Variants in FRMD4B observed in about 807,000 individuals in gnomAD.
FRMD4B encodes the protein FERM domain-containing protein 4B.
A neutral mutation model predicts 141.5 loss-of-function variants in FRMD4B; 74 were observed. That is an observed-to-expected ratio of 0.52 (90% CI 0.43 to 0.63). The LOEUF is 0.63. Among genes scored for constraint, FRMD4B ranks in the 30% least tolerant of loss-of-function variants. The pLI, the probability that FRMD4B is intolerant of heterozygous loss-of-function variation, is 0.00. For missense variants in FRMD4B, 1,366 were observed against 1,253.4 expected (o/e 1.09, Z -1.36); for synonymous variants, 506 against 467.9 (o/e 1.08, Z -1.05).
chr3:69,365,615 C>T (rs907413589), intron 1 of FRMD4B, among the ~76,000 whole-genome samples: 1 of 151,854 alleles, frequency 6.6e-6, no homozygotes, highest in Non-Finnish European at 1.5e-5. Context: ...AATTCTCCTG[C>T]CTTAGCCTCT....
At position 69,413,144 on chromosome 3, in the gene FRMD4B, C is replaced by T. The variant is rs575954112; in HGVS notation, c.-1+19490G>A. The stretch of plus-strand genomic sequence containing the variant: ...CATAAGAGTCAGGTTTGTTGAACGA[C>T]GGGATTAAAGATGCTCAACTAGACT... On this transcript the variant is annotated intron_variant, in intron 2 of 5. Transcript: ENST00000459638. Among the ~76,000 whole-genome samples, 5 of 152,076 alleles carry T rather than the reference C, an allele frequency of 3.3e-5. No homozygotes were observed. In the East Asian group the frequency reaches 5.8e-4, roughly 18 times the overall value.
At chr3:69,250,284 T>TGTGTGA in intron 5 of FRMD4B, 185 bp from the exon 6 acceptor site, 17 of 484,182 alleles carry the variant, frequency 3.5e-5, no homozygotes, top group Non-Finnish European at 5.4e-5. Context: ...GAAACCACTG[T>TGTGTGA]GTGTGCGTGT....
intron 1 of FRMD4B, among the ~76,000 whole-genome samples, chr3:69,446,216 C>G (rs979989138): frequency 2.0e-5 from 3 of 151,372 alleles, no homozygotes; most frequent in Admixed American, 2.0e-4. Context: ...TTCGTAGAGA[C>G]GAGGTTTCCT....
chr3:69,216,153 C>CA (rs77475566), intron 11 of FRMD4B, 110 bp downstream of exon 11: 481,884 of 560,120 alleles, frequency 0.86, 209,048 homozygotes, highest in East Asian at 0.97. Flanking sequence ...GACTCCATCT[C>CA]AAAAAAAACC....
intron 22 of FRMD4B, among the ~76,000 whole-genome samples, chr3:69,172,941 T>TA (rs2092604200): frequency 6.6e-6 from 1 of 152,058 alleles, no homozygotes; most frequent in African/African-American, 2.4e-5. Context: ...TCATGTAACA[T>TA]AAAAAACAAA....
intron 5 of FRMD4B, among the ~76,000 whole-genome samples, chr3:69,273,738 T>C (rs1285961243): frequency 6.6e-6 from 1 of 152,190 alleles, no homozygotes; most frequent in Non-Finnish European, 1.5e-5. Context: ...TGCCAGGTTC[T>C]GTGCCAGTGT....
At chr3:69,308,655 G>A (rs868132332) in intron 3 of FRMD4B, among the ~76,000 whole-genome samples, 12 of 152,084 alleles carry the variant, frequency 7.9e-5, no homozygotes, top group Non-Finnish European at 4.4e-5. Context: ...GCCCAGGCTG[G>A]TCTGGAATTC....
chr3:69,230,913 C>A (rs1311154359), intron 7 of FRMD4B, among the ~76,000 whole-genome samples: 1 of 152,170 alleles, frequency 6.6e-6, no homozygotes, highest in Non-Finnish European at 1.5e-5. Flanking sequence ...ACATATTGAG[C>A]AAAGATACAA....
intron 2 of FRMD4B, among the ~76,000 whole-genome samples, chr3:69,395,642 T>A (rs1175892956): frequency 6.6e-6 from 1 of 152,126 alleles, no homozygotes; most frequent in Non-Finnish European, 1.5e-5. Context: ...AAAAGGGACA[T>A]GAAAGTATAT....
At chr3:69,201,601 T>C (rs1310113311) in intron 11 of FRMD4B, among the ~76,000 whole-genome samples, 1 of 152,234 alleles carries the variant, frequency 6.6e-6, no homozygotes, top group African/African-American at 2.4e-5. Context: ...TATTTCTAAT[T>C]GTAGTGGTAC....
intron 19 of FRMD4B, among the ~76,000 whole-genome samples, chr3:69,183,151 G>A (rs914647501): frequency 7.2e-5 from 11 of 152,130 alleles, no homozygotes; most frequent in African/African-American, 1.9e-4. Flanking sequence ...TCTCTAGAGC[G>A]ACTACTCAGC....
At chr3:69,329,307 A>G (rs28470576) in intron 1 of FRMD4B, among the ~76,000 whole-genome samples, 3,482 of 152,228 alleles carry the variant, frequency 0.023, 120 homozygotes, top group African/African-American at 0.079. Context: ...AACTTGGCGA[A>G]CAGAGGCCAA....
At chr3:69,426,604 G>T (rs980176571) in intron 2 of FRMD4B, among the ~76,000 whole-genome samples, 3 of 152,142 alleles carry the variant, frequency 2.0e-5, no homozygotes, top group African/African-American at 7.2e-5. Flanking sequence ...TAACTGCATA[G>T]TTGCTTTTCT....
At position 69,449,066 on chromosome 3, in the gene FRMD4B, A is replaced by C. The variant is rs146661918; in HGVS notation, c.-128-16305T>G. On this transcript the variant is annotated intron_variant, in intron 1 of 5. Transcript: ENST00000459638. ...AAACTGTAAGGTGAATCATTACAAA[A>C]TTAATATTCAACAGGCTTTATATAA... is the stretch of plus-strand genomic sequence containing the variant. Among the ~76,000 whole-genome samples, 523 of 152,320 alleles carry C rather than the reference A, an allele frequency of 3.4e-3. 4 individuals are homozygous for C. The highest frequency in any genetic ancestry group is 0.012 in the African/African-American group (490 of 41,566).
intron 1 of FRMD4B, among the ~76,000 whole-genome samples, chr3:69,515,276 C>T (rs914193157): frequency 7.2e-5 from 11 of 152,162 alleles, no homozygotes; most frequent in Admixed American, 2.0e-4. Context: ...ATGATCCAAT[C>T]GTCTTCCACC....
At chr3:69,411,977 GA>G (rs1704768645) in intron 2 of FRMD4B, among the ~76,000 whole-genome samples, 1 of 152,220 alleles carries the variant, frequency 6.6e-6, no homozygotes. Context: ...AATCTAGCTA[GA>G]AATTGCATTT....
chr3:69,359,935 G>C (rs183252545), intron 1 of FRMD4B, among the ~76,000 whole-genome samples: 1 of 152,338 alleles, frequency 6.6e-6, no homozygotes, highest in East Asian at 1.9e-4. Context: ...AGTCTCCCCA[G>C]TTGGGGGTAG....
At chr3:69,333,051 G>C (rs1702431966) in intron 1 of FRMD4B, among the ~76,000 whole-genome samples, 1 of 152,104 alleles carries the variant, frequency 6.6e-6, no homozygotes, top group South Asian at 2.1e-4. Context: ...AACTAGAATT[G>C]TAAGCTGAAT....
intron 1 of FRMD4B, among the ~76,000 whole-genome samples, chr3:69,384,795 T>C (rs1261678282): frequency 2.0e-5 from 3 of 152,168 alleles, no homozygotes; most frequent in Admixed American, 6.5e-5. Flanking sequence ...TTTTGCCTGA[T>C]TGATGGAAGA....
Sources: allele counts gnomAD v4.1 joint callset (sites outside exome capture counted in the v4.1 genomes callset), GRCh38; gene constraint gnomAD v4.1.1; transcripts MANE v1.5; gene names NCBI Gene and HGNC (gene_info 2026-07-23, HGNC 2026-07-21).